LEPR: variants seen among roughly 807,000 people sequenced by gnomAD.
LEPR encodes the protein leptin receptor.
A neutral mutation model predicts 114.7 loss-of-function variants in LEPR; 56 were observed. The ratio of observed to expected loss-of-function variants is 0.49; its 90% CI spans 0.39 to 0.61. The LOEUF is 0.61. Among genes scored for constraint, LEPR ranks in the 20% least tolerant of loss-of-function variants. The pLI is 0.00. For synonymous variants in LEPR, 443 were observed against 461.4 expected (o/e 0.96, Z 0.51); for missense variants, 1,202 against 1,352.9 (o/e 0.89, Z 1.75).
At position 65,549,183 on chromosome 1, in the gene LEPR, T is replaced by A. The variant is rs570593814; in HGVS notation, c.-20-16363T>A. Among the ~76,000 whole-genome samples, 397 of 151,686 alleles carry A rather than the reference T, an allele frequency of 2.6e-3. 2 individuals are homozygous for A. The highest frequency in any genetic ancestry group is 3.5e-3 in the Non-Finnish European group (241 of 68,012). ...GAGTTTCTGCCGTGAGATCCGCTGT[T>A]AGTCTGATGGGCTTCCCTTTGTGGG... On this transcript the variant is annotated intron_variant, in intron 2 of 19. Transcript: ENST00000349533.
intron 2 of LEPR, among the ~76,000 whole-genome samples, chr1:65,559,937 T>G (rs1467682128): frequency 1.4e-5 from 2 of 145,218 alleles, no homozygotes; most frequent in African/African-American, 5.1e-5. Flanking sequence ...AGTACCATGC[T>G]GTTTTGGTTA....
intron 2 of LEPR, among the ~76,000 whole-genome samples, chr1:65,542,518 G>T (rs1570646358): frequency 6.6e-6 from 1 of 150,934 alleles, no homozygotes; most frequent in Admixed American, 6.6e-5. Flanking sequence ...GAATGTGCAG[G>T]TTTGTTACAT....
chr1:65,431,928 T>G, intron 2 of LEPR: 6 of 1,612,678 alleles, frequency 3.7e-6, no homozygotes, highest in Non-Finnish European at 5.1e-6. Flanking sequence ...AGCACTTTAT[T>G]CTGATTACAG....
At chr1:65,590,978 T>C (rs993625143) in intron 5 of LEPR, among the ~76,000 whole-genome samples, 40 of 152,068 alleles carry the variant, frequency 2.6e-4, no homozygotes, top group African/African-American at 9.2e-4. Context: ...TGCCTATATT[T>C]AGTGTTAAAC....
intron 19 of LEPR, among the ~76,000 whole-genome samples, chr1:65,625,138 G>A (rs920660335): frequency 6.6e-6 from 1 of 152,084 alleles, no homozygotes; most frequent in African/African-American, 2.4e-5. Context: ...TATATATGTC[G>A]TTCATTCATT....
intron 19 of LEPR, 84 bp downstream of exon 19, chr1:65,623,065 T>C: frequency 1.5e-6 from 2 of 1,343,788 alleles, no homozygotes; most frequent in South Asian, 2.5e-5. Context: ...TAAGCATTTT[T>C]AAGATTTAAA....
chr1:65,501,419 TC>T (rs1648445096), intron 2 of LEPR, among the ~76,000 whole-genome samples: 2 of 151,148 alleles, frequency 1.3e-5, no homozygotes, highest in South Asian at 4.2e-4. Context: ...GTCACTGGTG[TC>T]CTTAAAAGAA....
At chr1:65,578,559 C>G (rs1210667873) in intron 5 of LEPR, among the ~76,000 whole-genome samples, 1 of 152,162 alleles carries the variant, frequency 6.6e-6, no homozygotes, top group Admixed American at 6.5e-5. Context: ...GTCTTATTCT[C>G]TCTCCCAAAT....
intron 2 of LEPR, among the ~76,000 whole-genome samples, chr1:65,550,057 T>A (rs1260809859): frequency 2.0e-5 from 3 of 152,358 alleles, no homozygotes; most frequent in Admixed American, 2.0e-4. Context: ...TGCAGGTCTG[T>A]TGGAGTTTGC....
intron 2 of LEPR, among the ~76,000 whole-genome samples, chr1:65,444,860 G>A (rs978023767): frequency 3.3e-5 from 5 of 152,242 alleles, no homozygotes; most frequent in South Asian, 2.1e-4. Context: ...TGTCAATTAG[G>A]TCCATATAAC....
chr1:65,438,481 C>T (rs1193270239), intron 2 of LEPR, among the ~76,000 whole-genome samples: 11 of 135,282 alleles, frequency 8.1e-5, no homozygotes, highest in African/African-American at 2.8e-4. Context: ...ACCTGGTAGG[C>T]GGAGGTTGCA....
intron 4 of LEPR, 74 bp downstream of exon 4, chr1:65,570,876 C>A (rs982005248): frequency 6.9e-5 from 86 of 1,250,814 alleles, no homozygotes; most frequent in Non-Finnish European, 8.7e-5. Context: ...AAATAGATGT[C>A]TTATGGCTAT....
intron 19 of LEPR, chr1:65,630,106 G>A (rs898769966): frequency 6.2e-6 from 1 of 160,652 alleles, no homozygotes; most frequent in East Asian, 1.8e-4. Flanking sequence ...GATAATTCCT[G>A]CCTTAACATA....
chr1:65,463,645 C>T (rs969446982), intron 2 of LEPR, among the ~76,000 whole-genome samples: 13 of 152,196 alleles, frequency 8.5e-5, no homozygotes, highest in Admixed American at 7.2e-4. Flanking sequence ...TTGATTCTTC[C>T]TTTCCATGAA....
Position 65,636,867 on chromosome 1 carries a change from A to C in LEPR, c.3350A>C (p.Gln1117Pro), listed in dbSNP as rs771156468. 1 of 1,609,644 alleles carries C rather than the reference A, an allele frequency of 6.2e-7. No individual in the cohort carries two copies. The highest frequency in any genetic ancestry group is 8.5e-7 in the Non-Finnish European group (1 of 1,178,038). The change falls in exon 20 of 20, where the codon CAG (glutamine) becomes CCG (proline). Residue 1117 changes from glutamine (Q) to proline (P), a missense_variant. Coordinates refer to ENST00000349533, the MANE Select transcript of LEPR (RefSeq NM_002303.6). ...PCLFTDIRVL[Q>P]DSCSHFVENN... ...TTATTCACGGACATCAGAGTTCTCCAGGACAGTTGCTCACACTTTGTAGAA... is the reference window on the plus strand; with the variant it reads ...TTATTCACGGACATCAGAGTTCTCCCGGACAGTTGCTCACACTTTGTAGAA...
chr1:65,506,350 C>T (rs1282737260), intron 2 of LEPR, among the ~76,000 whole-genome samples: 1 of 152,200 alleles, frequency 6.6e-6, no homozygotes, highest in African/African-American at 2.4e-5. Flanking sequence ...TCCACTGACA[C>T]AGAAGGAGAT....
At chr1:65,435,045 C>T in intron 2 of LEPR, 1 of 985,432 alleles carries the variant, frequency 1.0e-6, no homozygotes, top group South Asian at 4.7e-5. Flanking sequence ...GATTCTCATT[C>T]ACAGAGAATG....
At position 65,573,854 on chromosome 1, in the gene LEPR, C is replaced by T. The variant is rs141037042; in HGVS notation, c.494+1405C>T. ...GGGAGTGGTGATGGTTGCATAATAA[C>T]GTGAATGTATTTCATGTCATTGCAC... is the stretch of plus-strand genomic sequence containing the variant. On this transcript the variant is annotated intron_variant, in intron 5 of 19. Transcript: ENST00000349533. Among the ~76,000 whole-genome samples, 428 of 152,148 alleles carry T rather than the reference C, an allele frequency of 2.8e-3. 3 individuals carry two copies. Among genetic ancestry groups the T allele is most frequent in the African/African-American group, 9.6e-3 (400 of 41,528 alleles).
chr1:65,453,701 T>C (rs1363865648), intron 2 of LEPR, among the ~76,000 whole-genome samples: 2 of 152,188 alleles, frequency 1.3e-5, no homozygotes, highest in African/African-American at 4.8e-5. Context: ...TACTTCCAAG[T>C]ATGTGGTCAA....
Sources: allele counts gnomAD v4.1 joint callset (sites outside exome capture counted in the v4.1 genomes callset), GRCh38; gene constraint gnomAD v4.1.1; transcripts MANE v1.5; gene names NCBI Gene and HGNC (gene_info 2026-07-23, HGNC 2026-07-21).